ABCB8: variants seen among roughly 807,000 people sequenced by gnomAD.
ABCB8 encodes ATP binding cassette subfamily B member 8, also known as mitochondrial potassium channel ATP-binding subunit.
ABCB8 carries 52 observed loss-of-function variants against 73.0 expected under a neutral mutation model. That is an observed-to-expected ratio of 0.71 (90% CI 0.57 to 0.90). ABCB8 has a LOEUF of 0.90. Among genes scored for constraint, ABCB8 ranks in the 40% least tolerant of loss-of-function variants. ABCB8 has a pLI of 0.00. For missense variants in ABCB8, 909 were observed against 974.6 expected (o/e 0.93, Z 0.90); for synonymous variants, 428 against 423.5 (o/e 1.01, Z -0.13).
intron 9 of ABCB8, chr7:151,039,494 C>G (rs1297481506): frequency 1.3e-5 from 2 of 152,554 alleles, no homozygotes; most frequent in African/African-American, 2.4e-5. Flanking sequence ...CCAGGCCAGT[C>G]AGGGACCAGT....
At chr7:151,043,436 T>TA (rs1363305995) in intron 14 of ABCB8, among the ~76,000 whole-genome samples, 8 of 41,626 alleles carry the variant, frequency 1.9e-4, no homozygotes, top group South Asian at 7.4e-4. Context: ...CAGTGCGGGG[T>TA]GGGGGTCAGA....
At chr7:151,033,950 C>T (rs368966020) in intron 2 of ABCB8, 33 bp downstream of exon 2, 2 of 1,542,470 alleles carry the variant, frequency 1.3e-6, no homozygotes, top group African/African-American at 1.4e-5. Context: ...ATCCTGGGGA[C>T]AGGGCAGGAC....
rs776197037 is a variant in ABCB8, at chr7:151,033,811, C to T, written c.302C>T (p.Ala101Val). The change falls in exon 2 of 16, where the codon GCC becomes GTC. Residue 101 changes from alanine (A) to valine (V), a missense_variant. By Grantham distance (64) the Ala-to-Val change is moderately conservative. Transcript: ENST00000358849. Reference protein sequence around the residue: ...CLVALCEAEEAPPASSTPHVV... With the variant: ...CLVALCEAEEVPPASSTPHVV... ...GTGGCCCTGTGTGAGGCAGAAGAGG[C>T]CCCTCCTGCCAGCTCCACACCCCAT... The T allele has an allele frequency of 3.1e-6, 5 of 1,613,906 alleles. No homozygotes were observed. In the Admixed American group the frequency reaches 8.3e-5, roughly 27 times the overall value.
intron 1 of ABCB8, among the ~76,000 whole-genome samples, chr7:151,032,145 C>G (rs1796180986): frequency 6.6e-6 from 1 of 152,152 alleles, no homozygotes; most frequent in South Asian, 2.1e-4. Flanking sequence ...TTTCCTCTGC[C>G]TAGAGCTCTC....
At chr7:151,041,310 C>G in intron 13 of ABCB8, 78 bp downstream of exon 13, 1 of 1,469,650 alleles carries the variant, frequency 6.8e-7, no homozygotes, top group Non-Finnish European at 9.0e-7. Flanking sequence ...CCTCAGGTGC[C>G]TTTTCTTTCT....
intron 2 of ABCB8, 135 bp from the exon 3 acceptor site, chr7:151,034,138 T>C: frequency 8.5e-7 from 1 of 1,182,334 alleles, no homozygotes. Flanking sequence ...GGCACTGATG[T>C]GTCCACATGA....
intron 1 of ABCB8, chr7:151,029,616 C>T (rs1370256788): frequency 6.6e-6 from 1 of 150,842 alleles, no homozygotes; most frequent in African/African-American, 2.4e-5. Context: ...AAGCAATTCT[C>T]ATGCTTCAGC....
At chr7:151,045,042 C>T (rs1022553083) in intron 15 of ABCB8, among the ~76,000 whole-genome samples, 167 bp from the exon 16 acceptor site, 2 of 152,336 alleles carry the variant, frequency 1.3e-5, no homozygotes, top group South Asian at 2.1e-4. Flanking sequence ...TGCAGCATGC[C>T]AGTGGCGGTT....
At chr7:151,030,222 A>T (rs1278836561) in intron 1 of ABCB8, among the ~76,000 whole-genome samples, 1 of 152,256 alleles carries the variant, frequency 6.6e-6, no homozygotes, top group Non-Finnish European at 1.5e-5. Flanking sequence ...GGACCATTTA[A>T]AAGTAAATAT....
chr7:151,031,363 A>T, intron 1 of ABCB8: 11 of 1,515,544 alleles, frequency 7.3e-6, no homozygotes, highest in Non-Finnish European at 9.7e-6. Flanking sequence ...TGGCAGTTGG[A>T]ATGGGGTGGG....
Position 151,040,745 on chromosome 7 carries a change from G to A in ABCB8, c.1389-83G>A, listed in dbSNP as rs1445199261. ...TCCCCCATAAACAGGCCCTCTCAGA[G>A]GGCTACAGGGAGACTTCAGGAGGGA... is the stretch of plus-strand genomic sequence containing the variant. On this transcript the variant is annotated intron_variant, in intron 11 of 15. Coordinates refer to ENST00000358849, the MANE Select transcript of ABCB8 (RefSeq NM_007188.5). 1.1e-5 allele frequency: 18 copies of A among 1,601,944 alleles called. No homozygotes were observed. The East Asian group carries it at 4.0e-4, about 36-fold the overall frequency.
At chr7:151,029,611 A>G (rs1796098408) in intron 1 of ABCB8, 1 of 150,832 alleles carries the variant, frequency 6.6e-6, no homozygotes, top group African/African-American at 2.4e-5. Context: ...GGTTCAAGCA[A>G]TTCTCATGCT....
rs1171004068 is a variant in ABCB8, at chr7:151,045,358, C to T, written c.*9C>T. The T allele has an allele frequency of 2.0e-6, 3 of 1,529,442 alleles. No homozygotes were observed. Among genetic ancestry groups the T allele is most frequent in the East Asian group, 2.5e-5 (1 of 40,580 alleles). 94.7% of individuals were successfully genotyped at this position (1,529,442 alleles called of 1,614,324 possible). On this transcript the variant is annotated 3_prime_UTR_variant, in exon 16 of 16. Coordinates refer to ENST00000358849, the MANE Select transcript of ABCB8 (RefSeq NM_007188.5). ...ACCAGCACAAGTCCTGAGAAGGGCC[C>T]CCTGAGGTGTGGTCGCTGCCAAGCA...
rs557033705 is a variant in ABCB8, at chr7:151,042,105, G to A, written c.1762G>A (p.Val588Ile). The A allele has an allele frequency of 4.0e-5, 64 of 1,612,858 alleles. No homozygotes were observed. The highest frequency in any genetic ancestry group is 3.1e-4 in the East Asian group (14 of 44,878). ...TSFPEGYNTV[V>I]GERGTTLSGG... ...CTTCCCCGAGGGCTACAACACGGTC[G>A]TCGGTGGGTGCTCGGGTCTGCCGGG... Residue 588 changes from valine (V) to isoleucine (I), a missense_variant, in exon 14 of 16, where the codon GTC becomes ATC. By Grantham distance (29) the Val-to-Ile change is conservative (BLOSUM62 3). Transcript: ENST00000358849.
chr7:151,034,097 G>T (rs1473048751), intron 2 of ABCB8, among the ~76,000 whole-genome samples, 176 bp from the exon 3 acceptor site: 1 of 152,158 alleles, frequency 6.6e-6, no homozygotes, highest in Non-Finnish European at 1.5e-5. Context: ...GGTTCCGTGG[G>T]GACTGGAAGC....
intron 1 of ABCB8, chr7:151,029,177 T>A (rs556051768): frequency 8.3e-6 from 2 of 242,058 alleles, no homozygotes; most frequent in East Asian, 1.3e-4. Flanking sequence ...GGCACGCGCC[T>A]GTAATTCCAA....
At chr7:151,032,880 C>T (rs1213481902) in intron 1 of ABCB8, 1 of 378,364 alleles carries the variant, frequency 2.6e-6, no homozygotes, top group Non-Finnish European at 5.4e-6. Context: ...CGCCCCAGGC[C>T]AGGGAGGGGA....
chr7:151,038,739 G>C (rs1168272609), intron 9 of ABCB8: 1 of 152,168 alleles, frequency 6.6e-6, no homozygotes, highest in Admixed American at 6.5e-5. Flanking sequence ...ACCCCCAGGG[G>C]CTTGTCTGTG....
chr7:151,038,438 TA>T (rs1796368578), intron 9 of ABCB8: 1 of 151,356 alleles, frequency 6.6e-6, no homozygotes, highest in Non-Finnish European at 1.5e-5. Context: ...TTGAACCTGG[TA>T]GGCAGAGGTT....
Sources: allele counts gnomAD v4.1 joint callset (sites outside exome capture counted in the v4.1 genomes callset), GRCh38; gene constraint gnomAD v4.1.1; transcripts MANE v1.5; gene names NCBI Gene and HGNC (gene_info 2026-07-23, HGNC 2026-07-21).